The following SOX6 variants were observed in gnomAD, a reference collection of about 807,000 sequenced individuals.
The protein encoded by SOX6 is SRY-box transcription factor 6, also known as transcription factor SOX-6.
Under a neutral mutation model 97.8 loss-of-function variants are expected in SOX6, and 11 were observed. The observed-to-expected ratio is 0.11, with a 90% CI of 0.07 to 0.19. SOX6 has a LOEUF of 0.19. Among genes scored for constraint, SOX6 ranks in the 10% least tolerant of loss-of-function variants. The pLI is 1.00. For synonymous variants in SOX6, 360 were observed against 371.4 expected, an observed-to-expected ratio of 0.97 and a Z score of 0.35; for missense variants, 810 against 1,039.5, an observed-to-expected ratio of 0.78 and a Z score of 3.04.
intron 3 of SOX6, among the ~76,000 whole-genome samples, chr11:16,281,980 CATGTATAT>C (rs1037514359): frequency 3.6e-4 from 11 of 30,340 alleles, no homozygotes; most frequent in Admixed American, 1.2e-3. Context: ...TATATAAAAT[CATGTATAT>C]ATATATATAT....
intron 1 of SOX6, among the ~76,000 whole-genome samples, chr11:16,426,679 C>A (rs1366993877): frequency 2.0e-5 from 3 of 151,880 alleles, no homozygotes; most frequent in Non-Finnish European, 2.9e-5. Flanking sequence ...TTTTGGGAGG[C>A]CGAGGCGGGC....
intron 13 of SOX6, among the ~76,000 whole-genome samples, chr11:15,999,040 A>T (rs1854320020): frequency 6.6e-6 from 1 of 152,138 alleles, no homozygotes; most frequent in African/African-American, 2.4e-5. Flanking sequence ...ACTTGCATCT[A>T]GGATATATAA....
chr11:16,548,679 GT>G (rs1847647239), intron 4 of SOX6, among the ~76,000 whole-genome samples: 1 of 152,142 alleles, frequency 6.6e-6, no homozygotes, highest in Non-Finnish European at 1.5e-5. Flanking sequence ...TGGGCAGGGA[GT>G]AGGAGGATGG....
chr11:16,046,447 G>A, intron 12 of SOX6, 67 bp downstream of exon 12: 1 of 1,571,820 alleles, frequency 6.4e-7, no homozygotes, highest in Admixed American at 1.7e-5. Context: ...CTGGGAGCCT[G>A]GAAAGAACCA....
At chr11:16,255,230 T>C (rs1464307362) in intron 3 of SOX6, among the ~76,000 whole-genome samples, 2 of 152,066 alleles carry the variant, frequency 1.3e-5, no homozygotes, top group East Asian at 1.9e-4. Context: ...AAGAACATCA[T>C]TGAACTCAGC....
At chr11:16,709,332 A>G (rs533005655) in intron 3 of SOX6, among the ~76,000 whole-genome samples, 4 of 152,260 alleles carry the variant, frequency 2.6e-5, no homozygotes, top group African/African-American at 9.6e-5. Flanking sequence ...AGCCTGGCCA[A>G]CACAGCAAAA....
chr11:16,386,732 T>C (rs1437194099), intron 1 of SOX6, among the ~76,000 whole-genome samples: 1 of 152,168 alleles, frequency 6.6e-6, no homozygotes, highest in Non-Finnish European at 1.5e-5. Flanking sequence ...ATACCACTAA[T>C]GTATAGTCAC....
At chr11:16,524,327 C>T (rs1239159219) in intron 4 of SOX6, among the ~76,000 whole-genome samples, 113 of 151,246 alleles carry the variant, frequency 7.5e-4, no homozygotes, top group African/African-American at 2.0e-3. Context: ...GTTCAATATA[C>T]GCAAATCAAT....
At chr11:16,199,458 A>G (rs192115299) in intron 4 of SOX6, among the ~76,000 whole-genome samples, 1 of 152,326 alleles carries the variant, frequency 6.6e-6, no homozygotes, top group East Asian at 1.9e-4. Flanking sequence ...CTTGTAATCA[A>G]TAGAGCTATG....
intron 4 of SOX6, among the ~76,000 whole-genome samples, chr11:16,588,299 G>A (rs775720401): frequency 3.9e-5 from 6 of 152,142 alleles, no homozygotes; most frequent in African/African-American, 1.2e-4. Context: ...AATCACCAAC[G>A]AAAGAACTAA....
intron 6 of SOX6, among the ~76,000 whole-genome samples, chr11:16,160,927 C>G (rs997546935): frequency 1.3e-5 from 2 of 152,048 alleles, no homozygotes; most frequent in South Asian, 4.1e-4. Flanking sequence ...GATCCAAAAC[C>G]GATGATACTA....
chr11:16,701,739 C>T (rs984032916), intron 3 of SOX6, among the ~76,000 whole-genome samples: 1 of 134,572 alleles, frequency 7.4e-6, no homozygotes, highest in Non-Finnish European at 1.5e-5. Flanking sequence ...GCCTGTAGTC[C>T]CAGCTACTCA....
At chr11:16,296,472 G>A (rs535166657) in intron 3 of SOX6, among the ~76,000 whole-genome samples, 1 of 152,246 alleles carries the variant, frequency 6.6e-6, no homozygotes, top group Admixed American at 6.5e-5. Context: ...ACAGCAATCA[G>A]CACTGTTGAC....
intron 9 of SOX6, among the ~76,000 whole-genome samples, chr11:16,057,079 T>C (rs2133922886): frequency 6.6e-6 from 1 of 152,294 alleles, no homozygotes; most frequent in South Asian, 2.1e-4. Context: ...CCCCCTGTTC[T>C]GTGGAGACCA....
chr11:16,313,812 T>C (rs1855680982), intron 3 of SOX6: 1 of 151,648 alleles, frequency 6.6e-6, no homozygotes, highest in African/African-American at 2.4e-5. Context: ...TATTACCACG[T>C]TCCTATTTGC....
At chr11:16,153,428 G>T (rs140978475) in intron 6 of SOX6, among the ~76,000 whole-genome samples, 5 of 152,240 alleles carry the variant, frequency 3.3e-5, no homozygotes, top group Admixed American at 6.5e-5. Flanking sequence ...ATTGCACAGG[G>T]ATATGTAGAG....
chr11:16,253,111 G>T (rs1463246130), intron 3 of SOX6, among the ~76,000 whole-genome samples: 1 of 152,144 alleles, frequency 6.6e-6, no homozygotes, highest in Non-Finnish European at 1.5e-5. Context: ...ACTTTGGGAG[G>T]CCTAGGCGGG....
chr11:16,646,116 C>T (rs1311319740), intron 3 of SOX6: 1 of 152,180 alleles, frequency 6.6e-6, no homozygotes, highest in Non-Finnish European at 1.5e-5. Context: ...AATTAACAGC[C>T]TCACCTGGGA....
intron 1 of SOX6, among the ~76,000 whole-genome samples, chr11:16,434,862 G>C (rs958989359): frequency 2.6e-5 from 4 of 152,038 alleles, no homozygotes; most frequent in Non-Finnish European, 5.9e-5. Flanking sequence ...AATATTTAAA[G>C]ATATATTTAA....
Sources: gnomAD v4.1 joint callset for allele counts (sites outside exome capture counted in the v4.1 genomes callset) on GRCh38, gnomAD v4.1.1 for gene constraint, MANE v1.5 for transcripts, NCBI Gene and HGNC (gene_info 2026-07-23, HGNC 2026-07-21) for gene names.